The following HOOK3 variants were observed in gnomAD, a reference collection of about 807,000 sequenced individuals.
HOOK3 encodes the protein protein Hook homolog 3.
HOOK3 carries 24 observed loss-of-function variants against 116.3 expected under a neutral mutation model. The observed-to-expected ratio is 0.21, with a 90% CI of 0.15 to 0.29. HOOK3 has a LOEUF of 0.29. Among genes scored for constraint, HOOK3 ranks in the 10% least tolerant of loss-of-function variants. HOOK3 has a pLI of 1.00. For synonymous variants in HOOK3, 275 were observed against 283.0 expected (o/e 0.97, Z 0.28); for missense variants, 632 against 830.2 (o/e 0.76, Z 2.93).
intron 19 of HOOK3, among the ~76,000 whole-genome samples, chr8:43,011,054 A>C (rs905264475): frequency 4.6e-5 from 7 of 151,342 alleles, no homozygotes; most frequent in African/African-American, 1.7e-4. Context: ...GTACAGTGGC[A>C]CGATCTTGGC....
rs946356693 is a variant in HOOK3, at chr8:43,030,514, TA to T, written c.*12019del. ...AAGTGTACAGTTGTTAAACAAGTTG[TA>T]AATAAAGACTTGTATAAAAATTCAG... On this transcript the variant is annotated 3_prime_UTR_variant, in exon 22 of 22. Coordinates refer to ENST00000307602, the MANE Select transcript of HOOK3 (RefSeq NM_032410.4). The T allele has an allele frequency of 5.8e-6, 1 of 173,074 alleles. No individual in the cohort carries two copies. The highest frequency in any genetic ancestry group is 1.3e-5 in the Non-Finnish European group (1 of 79,992). 10.7% of individuals were successfully genotyped at this position (173,074 alleles called of 1,614,324 possible).
chr8:42,902,603 T>C (rs748762188), intron 1 of HOOK3, among the ~76,000 whole-genome samples: 1 of 152,124 alleles, frequency 6.6e-6, no homozygotes, highest in Non-Finnish European at 1.5e-5. Context: ...CCCCAGATGA[T>C]TCCCCTACAC....
intron 4 of HOOK3, among the ~76,000 whole-genome samples, chr8:42,936,937 G>C (rs200117033): frequency 0.024 from 3,693 of 152,156 alleles, 231 homozygotes; most frequent in Admixed American, 0.14. Flanking sequence ...CTCTTTTTCT[G>C]TTGTTTGGAA....
chr8:42,994,518 G>C lies in HOOK3; in HGVS notation c.1533-3032G>C, dbSNP rs752286345. 283 of 320,974 alleles carry C rather than the reference G, an allele frequency of 8.8e-4. 1 individual carries two copies. Among genetic ancestry groups the C allele is most frequent in the Non-Finnish European group, 6.1e-4 (101 of 164,532 alleles). The allele number at this position is 320,974 out of a possible 1,614,324, so 19.9% of individuals were successfully genotyped here. A position where few individuals can be genotyped will look rare whatever the true frequency, so the allele number is the denominator to read the frequency against. On this transcript the variant is annotated intron_variant, in intron 15 of 21. Transcript: ENST00000307602. ...GTATGTTGTGTTTCCATTATCATTT[G>C]TTTCAATAAATTTTTCAGTTTCCTT...
intron 2 of HOOK3, among the ~76,000 whole-genome samples, chr8:42,918,533 T>G (rs1281862812): frequency 6.6e-6 from 1 of 152,128 alleles, no homozygotes; most frequent in Non-Finnish European, 1.5e-5. Context: ...GATAAACATG[T>G]GAACAAAGGT....
chr8:42,924,907 A>G (rs1394753309), intron 2 of HOOK3, among the ~76,000 whole-genome samples: 3 of 150,828 alleles, frequency 2.0e-5, no homozygotes, highest in African/African-American at 7.3e-5. Flanking sequence ...TGGGAGGTAG[A>G]GGTTGCAGTG....
At chr8:42,963,498 G>A (rs2130419652) in intron 8 of HOOK3, among the ~76,000 whole-genome samples, 2 of 152,322 alleles carry the variant, frequency 1.3e-5, no homozygotes, top group East Asian at 3.9e-4. Context: ...CTTCGTGTGG[G>A]CGTATGCTTT....
intron 2 of HOOK3, among the ~76,000 whole-genome samples, chr8:42,916,975 G>A (rs1268946707): frequency 6.6e-6 from 1 of 152,080 alleles, no homozygotes; most frequent in African/African-American, 2.4e-5. Context: ...TAAAGTTAAG[G>A]TCCCAGTGCC....
At chr8:42,962,001 G>A (rs935196682) in intron 8 of HOOK3, among the ~76,000 whole-genome samples, 1 of 152,062 alleles carries the variant, frequency 6.6e-6, no homozygotes, top group Non-Finnish European at 1.5e-5. Flanking sequence ...TGCCCAGGCT[G>A]GTCTTAAACT....
chr8:42,962,387 C>T (rs1481454625), intron 8 of HOOK3, among the ~76,000 whole-genome samples: 1 of 150,860 alleles, frequency 6.6e-6, no homozygotes, highest in Non-Finnish European at 1.5e-5. Flanking sequence ...AAGGCGTGAC[C>T]CACTGCACCT....
chr8:42,932,853 A>G (rs1214827371), intron 4 of HOOK3, among the ~76,000 whole-genome samples: 2 of 152,158 alleles, frequency 1.3e-5, no homozygotes, highest in Non-Finnish European at 2.9e-5. Context: ...GCCCATACCT[A>G]TATGATTCAG....
chr8:42,938,440 T>G (rs1808019884), intron 4 of HOOK3, among the ~76,000 whole-genome samples: 2 of 152,202 alleles, frequency 1.3e-5, no homozygotes, highest in Admixed American at 1.3e-4. Flanking sequence ...GTCATTATGA[T>G]GCTAGTGGTT....
In HOOK3 at chr8:43,000,330, C is replaced by G. The variant is rs2130471582; in HGVS notation, c.1621-1777C>G. ...ATAGTGAGCAGTTTTTGGATTTAGA[C>G]TGCCATCATAGTTGATGGTGTGGAA... On this transcript the variant is annotated intron_variant, in intron 16 of 21. Transcript: ENST00000307602. 6 of 1,147,266 alleles carry G rather than the reference C, an allele frequency of 5.2e-6. No individual in the cohort carries two copies. In the South Asian group the frequency reaches 7.7e-5, roughly 15 times the overall value. The allele number at this position is 1,147,266 out of a possible 1,614,324, so 71.1% of individuals were successfully genotyped here.
intron 16 of HOOK3, among the ~76,000 whole-genome samples, chr8:43,001,687 A>C (rs1809383401): frequency 6.6e-6 from 1 of 152,148 alleles, no homozygotes; most frequent in South Asian, 2.1e-4. Context: ...TAAGTCAGAC[A>C]TATTTATAGA....
rs372943450 is a variant in HOOK3, at chr8:43,003,639, A to G, written c.1655+1498A>G. 5.9e-5 allele frequency among the ~76,000 whole-genome samples: 9 copies of G among 152,300 alleles called. No homozygotes were observed. The East Asian group carries it at 1.4e-3, about 23-fold the overall frequency. ...TACCATACACTAGGTGGTTTATGGC[A>G]GCATAAATTTATTCTCTCATAGTTC... is the stretch of plus-strand genomic sequence containing the variant. On this transcript the variant is annotated intron_variant, in intron 17 of 21. Transcript: ENST00000307602.
intron 20 of HOOK3, 55 bp from the exon 21 acceptor site, chr8:43,013,274 A>C: frequency 7.0e-7 from 1 of 1,431,972 alleles, no homozygotes; most frequent in South Asian, 1.3e-5. Flanking sequence ...TATTTTATTT[A>C]TATTGAGTTA....
chr8:42,943,306 C>T lies in HOOK3; in HGVS notation c.268-7C>T, dbSNP rs755596660. 4 of 1,450,792 alleles carry T rather than the reference C, an allele frequency of 2.8e-6. No individual in the cohort carries two copies. The highest frequency in any genetic ancestry group is 3.1e-5 in the South Asian group (2 of 63,950). The allele number at this position is 1,450,792 out of a possible 1,614,324, so 89.9% of individuals were successfully genotyped here. A position where few individuals can be genotyped will look rare whatever the true frequency, so the allele number is the denominator to read the frequency against. ...AATGCAATTATAATCCTTTTATCTCCATTCAGATTTTAGGACAGCAAATTA... is the reference window on the plus strand; with the variant it reads ...AATGCAATTATAATCCTTTTATCTCTATTCAGATTTTAGGACAGCAAATTA... On this transcript the variant is annotated splice_polypyrimidine_tract_variant and splice_region_variant and intron_variant, in intron 4 of 21. Coordinates refer to ENST00000307602, the MANE Select transcript of HOOK3 (RefSeq NM_032410.4).
In HOOK3 at chr8:43,028,566, A is replaced by G. The variant is rs1809974404; in HGVS notation, c.*10068A>G. 5.3e-6 allele frequency: 1 copy of G among 188,616 alleles called. No homozygotes were observed. 11.7% of individuals were successfully genotyped at this position (188,616 alleles called of 1,614,324 possible). A position where few individuals can be genotyped will look rare whatever the true frequency, so the allele number is the denominator to read the frequency against. ...CCACCTCAAAGGTACATCAAGATGCAAACAATTTTTTTATCTTCATAACTT... is the reference window on the plus strand; with the variant it reads ...CCACCTCAAAGGTACATCAAGATGCGAACAATTTTTTTATCTTCATAACTT... On this transcript the variant is annotated 3_prime_UTR_variant, in exon 22 of 22. Transcript: ENST00000307602.
intron 3 of HOOK3, among the ~76,000 whole-genome samples, chr8:42,927,239 G>A (rs1005668410): frequency 7.0e-5 from 10 of 142,184 alleles, no homozygotes; most frequent in Non-Finnish European, 7.6e-5. Flanking sequence ...CCGTTTAATG[G>A]CACTGGTTTT....
Sources: gnomAD v4.1 joint callset for allele counts (sites outside exome capture counted in the v4.1 genomes callset) on GRCh38, gnomAD v4.1.1 for gene constraint, MANE v1.5 for transcripts, NCBI Gene and HGNC (gene_info 2026-07-23, HGNC 2026-07-21) for gene names.